The following BPHL variants were observed in gnomAD, a reference collection of about 807,000 sequenced individuals.
BPHL encodes the protein biphenyl hydrolase like.
BPHL carries 27 observed loss-of-function variants against 31.2 expected under a neutral mutation model. The ratio of observed to expected loss-of-function variants is 0.87; its 90% CI spans 0.64 to 1.19. BPHL has a LOEUF of 1.19. Among genes scored for constraint, BPHL ranks in the 50% most tolerant of loss-of-function variants. BPHL has a pLI of 0.00. For missense variants in BPHL, 356 were observed against 375.7 expected (o/e 0.95, Z 0.43); for synonymous variants, 150 against 146.8 (o/e 1.02, Z -0.16).
rs1762569380 is a variant in BPHL, at chr6:3,153,070, A to G, written c.*495A>G. 1 of 152,294 alleles carries G rather than the reference A, an allele frequency of 6.6e-6. No homozygotes were observed. The highest frequency in any genetic ancestry group is 6.5e-5 in the Admixed American group (1 of 15,284). 9.4% of individuals were successfully genotyped at this position (152,294 alleles called of 1,614,324 possible). ...ATAAAAAAAAATAAAAAAGGAATAAAGCCTCTAACTTCAATAGCTATGAAA... is the reference window on the plus strand; with the variant it reads ...ATAAAAAAAAATAAAAAAGGAATAAGGCCTCTAACTTCAATAGCTATGAAA... On this transcript the variant is annotated 3_prime_UTR_variant, in exon 7 of 7. Coordinates refer to ENST00000380379, the MANE Select transcript of BPHL (RefSeq NM_004332.4).
chr6:3,140,643 A>G lies in BPHL; in HGVS notation c.788+134A>G. 1.5e-6 allele frequency: 2 copies of G among 1,352,436 alleles called. No homozygotes were observed. The highest frequency in any genetic ancestry group is 2.3e-5 in the East Asian group (1 of 43,236). The allele number at this position is 1,352,436 out of a possible 1,614,324, so 83.8% of individuals were successfully genotyped here. A position where few individuals can be genotyped will look rare whatever the true frequency, so the allele number is the denominator to read the frequency against. On this transcript the variant is annotated intron_variant, in intron 6 of 6. Transcript: ENST00000380379. The surrounding 1 kb of genome is among the most constrained non-coding windows in gnomAD (Gnocchi z 5.2). Reference sequence around the variant, plus strand: ...CCCCCTTTTGCCAATGCCAGTCAGTAGCACCGCTTTATTTAGGGTACCACG... The same window carrying G: ...CCCCCTTTTGCCAATGCCAGTCAGTGGCACCGCTTTATTTAGGGTACCACG...
rs1183048893 is a variant in BPHL, at chr6:3,126,947, T to C, written c.212-295T>C. The C allele has an allele frequency of 8.7e-5, 18 of 206,360 alleles. No individual in the cohort carries two copies. In the Admixed American group the frequency reaches 1.1e-3, roughly 13 times the overall value. The allele number at this position is 206,360 out of a possible 1,614,324, so 12.8% of individuals were successfully genotyped here. ...TTTTTTTTTTTTTTTTTTTTTTGTA[T>C]TTTAGTAGAGATGGGGTTTCACCGT... On this transcript the variant is annotated intron_variant, in intron 2 of 6. Coordinates refer to ENST00000380379, the MANE Select transcript of BPHL (RefSeq NM_004332.4).
chr6:3,153,038 T>C lies in BPHL; in HGVS notation c.*463T>C, dbSNP rs1244901696. The C allele has an allele frequency of 6.6e-6, 1 of 151,058 alleles. No individual in the cohort carries two copies. The highest frequency in any genetic ancestry group is 2.4e-5 in the African/African-American group (1 of 40,944). 9.4% of individuals were successfully genotyped at this position (151,058 alleles called of 1,614,324 possible). On this transcript the variant is annotated 3_prime_UTR_variant, in exon 7 of 7. Coordinates refer to ENST00000380379, the MANE Select transcript of BPHL (RefSeq NM_004332.4). ...AGTAAGACCTTGTCTTAAAAAAAAA[T>C]AAAAACATAAAAAAAAATAAAAAAG...
chr6:3,132,822 A>G (rs1271895082), intron 4 of BPHL, among the ~76,000 whole-genome samples: 4 of 152,100 alleles, frequency 2.6e-5, no homozygotes, highest in Non-Finnish European at 5.9e-5. Context: ...CAGAGGCGAG[A>G]CCCTGTCCCA....
At chr6:3,134,603 ATTTTTTT>A (rs556567574) in intron 4 of BPHL, among the ~76,000 whole-genome samples, 21 of 127,624 alleles carry the variant, frequency 1.6e-4, no homozygotes, top group African/African-American at 6.5e-4. Flanking sequence ...CACCTGGCTA[ATTTTTTT>A]TTTTTTTTTT....
Position 3,118,751 on chromosome 6 carries a change from T to G in BPHL, c.11T>G (p.Val4Gly). ...ACGCGACCTGTGACCATGGTGGCTG[T>G]GCTGGGCGGCCGGGGCGTGTTGCGC... MVAVLGGRGVLRLR... is the reference protein window; with the variant it reads MVAGLGGRGVLRLR... Residue 4 changes from valine (V) to glycine (G), a missense_variant, in exon 1 of 7, where the codon GTG becomes GGG. Physicochemically the swap from Val to Gly is moderately radical, Grantham distance 109. Coordinates refer to ENST00000380379, the MANE Select transcript of BPHL (RefSeq NM_004332.4). 4.8e-6 allele frequency: 6 copies of G among 1,261,292 alleles called. No homozygotes were observed. In the South Asian group the frequency reaches 1.4e-4, roughly 29 times the overall value. 78.1% of individuals were successfully genotyped at this position (1,261,292 alleles called of 1,614,324 possible).
intron 4 of BPHL, among the ~76,000 whole-genome samples, chr6:3,135,815 TAAAC>T (rs1356236381): frequency 3.3e-5 from 5 of 152,302 alleles, no homozygotes; most frequent in East Asian, 1.9e-4. Flanking sequence ...AATCTGAAAA[TAAAC>T]AAAGCAGTGA....
Position 3,137,365 on chromosome 6 carries a change from TC to T in BPHL, c.538del (p.Arg180GlufsTer14). 6.2e-7 allele frequency: 1 copy of T among 1,612,404 alleles called. No homozygotes were observed. Among genetic ancestry groups the T allele is most frequent in the Non-Finnish European group, 8.5e-7 (1 of 1,179,684 alleles). ...CGCCTACACTTCTGTTTTTCAGGCA[TC>T]CGAGATGTTTCCAAATGGAGTGAGA... The part of the protein sequence containing the change: ...TDEDSMIYEG[I>X]RDVSKWSERT... On this transcript the variant is annotated frameshift_variant, in exon 5 of 7. Coordinates refer to ENST00000380379, the MANE Select transcript of BPHL (RefSeq NM_004332.4). LOFTEE classifies it high-confidence loss of function.
chr6:3,140,227 G>T lies in BPHL; in HGVS notation c.665-159G>T. On this transcript the variant is annotated intron_variant, in intron 5 of 6. Transcript: ENST00000380379. The surrounding 1 kb of genome is among the most constrained non-coding windows in gnomAD (Gnocchi z 5.2). ...AGAAAAGGGAACCCAAAGAATGTTA[G>T]AGCTGGAAGGAATCCCAGGCACGGT... 1 of 850,758 alleles carries T rather than the reference G, an allele frequency of 1.2e-6. No homozygotes were observed. Among genetic ancestry groups the T allele is most frequent in the Non-Finnish European group, 1.8e-6 (1 of 568,140 alleles). 52.7% of individuals were successfully genotyped at this position (850,758 alleles called of 1,614,324 possible). A position where few individuals can be genotyped will look rare whatever the true frequency, so the allele number is the denominator to read the frequency against.
intron 1 of BPHL, among the ~76,000 whole-genome samples, chr6:3,120,068 T>C (rs1761519744): frequency 6.6e-6 from 1 of 152,084 alleles, no homozygotes; most frequent in African/African-American, 2.4e-5. Flanking sequence ...TGACTCTCGC[T>C]CTTTTGCCCA....
At chr6:3,147,832 T>C (rs1476356395) in intron 6 of BPHL, among the ~76,000 whole-genome samples, 1 of 152,100 alleles carries the variant, frequency 6.6e-6, no homozygotes, top group Admixed American at 6.5e-5. Flanking sequence ...GTGGTTCTAG[T>C]GTGAAAGCCA....
intron 6 of BPHL, among the ~76,000 whole-genome samples, chr6:3,147,780 C>T (rs748217147): frequency 6.6e-6 from 1 of 152,158 alleles, no homozygotes; most frequent in African/African-American, 2.4e-5. Flanking sequence ...GGTGTGATTC[C>T]AGTCTAAGTC....
At chr6:3,142,983 C>T (rs1010124048) in intron 6 of BPHL, among the ~76,000 whole-genome samples, 1 of 152,124 alleles carries the variant, frequency 6.6e-6, no homozygotes. Context: ...CTTTGGGAGG[C>T]CGAGGTGGGC....
chr6:3,134,011 A>G (rs902063210), intron 4 of BPHL, among the ~76,000 whole-genome samples: 3 of 152,230 alleles, frequency 2.0e-5, no homozygotes, highest in Non-Finnish European at 2.9e-5. Flanking sequence ...TCACTAGCCA[A>G]TCAAATGGGT....
chr6:3,145,256 G>T (rs1201080727), intron 6 of BPHL, among the ~76,000 whole-genome samples: 2 of 42,174 alleles, frequency 4.7e-5, no homozygotes, highest in African/African-American at 1.4e-4. Context: ...CTGGTTCGGG[G>T]TGGAGTGCTG....
Position 3,153,400 on chromosome 6 carries a change from T to C in BPHL, c.*825T>C, listed in dbSNP as rs1762576446. On this transcript the variant is annotated 3_prime_UTR_variant, in exon 7 of 7. Transcript: ENST00000380379. ...GCAGCAGATAGGGGCAGGTTTGCTT[T>C]ACCCCATATCCCTCTCCTGGTTCAC... 4.6e-6 allele frequency: 1 copy of C among 216,598 alleles called. No homozygotes were observed. Among genetic ancestry groups the C allele is most frequent in the African/African-American group, 2.3e-5 (1 of 42,958 alleles). The allele number at this position is 216,598 out of a possible 1,614,324, so 13.4% of individuals were successfully genotyped here. A position where few individuals can be genotyped will look rare whatever the true frequency, so the allele number is the denominator to read the frequency against.
chr6:3,151,265 C>T (rs1436208379), intron 6 of BPHL, among the ~76,000 whole-genome samples: 1 of 152,220 alleles, frequency 6.6e-6, no homozygotes, highest in East Asian at 1.9e-4. Context: ...TCCCTGCAAG[C>T]CCTGTTCCTT....
intron 6 of BPHL, among the ~76,000 whole-genome samples, chr6:3,150,665 G>C (rs1762497660): frequency 6.6e-6 from 1 of 152,160 alleles, no homozygotes; most frequent in African/African-American, 2.4e-5. Flanking sequence ...TTTGTTACTT[G>C]GGTGAGAATC....
chr6:3,127,923 C>T (rs866651209), intron 3 of BPHL, among the ~76,000 whole-genome samples: 16 of 152,052 alleles, frequency 1.1e-4, no homozygotes, highest in South Asian at 2.1e-4. Context: ...CGGGTTCAAA[C>T]GATTCTCCTG....
Sources: gnomAD v4.1 joint callset for allele counts (sites outside exome capture counted in the v4.1 genomes callset) on GRCh38, gnomAD v4.1.1 for gene constraint, Gnocchi (gnomAD v3.1) non-coding constraint, MANE v1.5 for transcripts, NCBI Gene and HGNC (gene_info 2026-07-23, HGNC 2026-07-21) for gene names.